The following KCNMA1 variants were observed in gnomAD, a reference collection of about 807,000 sequenced individuals.
KCNMA1 encodes the protein Calcium-activated potassium channel subunit alpha-1.
KCNMA1 carries 29 observed loss-of-function variants against 140.0 expected under a neutral mutation model. The observed-to-expected ratio is 0.21, with a 90% CI of 0.15 to 0.28. The LOEUF is 0.28. KCNMA1 is among the 10% of genes least tolerant of loss of function. The pLI is 1.00. For synonymous variants in KCNMA1, 612 were observed against 611.9 expected (o/e 1.00, Z 0.00); for missense variants, 880 against 1,602.2 (o/e 0.55, Z 7.70).
chr10:77,456,746 T>A (rs1377709131), intron 1 of KCNMA1, among the ~76,000 whole-genome samples: 1 of 152,172 alleles, frequency 6.6e-6, no homozygotes, highest in Non-Finnish European at 1.5e-5. Context: ...GAAGCAGGTC[T>A]GTGTGCTTGA....
chr10:77,446,010 G>A (rs2154516104), intron 1 of KCNMA1, among the ~76,000 whole-genome samples: 1 of 152,258 alleles, frequency 6.6e-6, no homozygotes, highest in East Asian at 1.9e-4. Context: ...CAGGGTGAGT[G>A]GGAAAGCTTA....
At chr10:77,323,696 A>G (rs1174212488) in intron 2 of KCNMA1, among the ~76,000 whole-genome samples, 2 of 152,234 alleles carry the variant, frequency 1.3e-5, no homozygotes, top group Admixed American at 6.5e-5. Context: ...TACATTGTAT[A>G]TGAGATGTAT....
At chr10:77,397,393 G>T (rs1000240564) in intron 2 of KCNMA1, among the ~76,000 whole-genome samples, 2 of 152,030 alleles carry the variant, frequency 1.3e-5, no homozygotes, top group African/African-American at 4.8e-5. Context: ...CATATTTTGG[G>T]GGATGCATGT....
chr10:77,399,079 T>C (rs1157142371), intron 2 of KCNMA1, among the ~76,000 whole-genome samples: 1 of 152,132 alleles, frequency 6.6e-6, no homozygotes, highest in African/African-American at 2.4e-5. Context: ...CTCTGTATTT[T>C]CCATAAGCCA....
chr10:77,337,594 T>C (rs2089573499), intron 2 of KCNMA1, among the ~76,000 whole-genome samples: 1 of 152,198 alleles, frequency 6.6e-6, no homozygotes, highest in African/African-American at 2.4e-5. Context: ...CACTCCAGCC[T>C]GGGTGACAGA....
intron 1 of KCNMA1, among the ~76,000 whole-genome samples, chr10:77,448,916 G>A (rs574244063): frequency 5.3e-5 from 8 of 151,886 alleles, no homozygotes; most frequent in Non-Finnish European, 5.9e-5. Flanking sequence ...GTGAAACCCC[G>A]TCTCTACTAA....
chr10:77,610,645 TTG>T (rs1218878389), intron 1 of KCNMA1, among the ~76,000 whole-genome samples: 1 of 152,214 alleles, frequency 6.6e-6, no homozygotes. Context: ...AGGCCACATA[TTG>T]TGTGATTCCA....
intron 2 of KCNMA1, among the ~76,000 whole-genome samples, chr10:77,357,867 A>G (rs1226344828): frequency 6.6e-6 from 1 of 152,192 alleles, no homozygotes; most frequent in Admixed American, 6.5e-5. Context: ...CCACCTAGGA[A>G]TTCAAATGTC....
chr10:76,967,855 C>T (rs748050839), intron 20 of KCNMA1, among the ~76,000 whole-genome samples: 2 of 152,174 alleles, frequency 1.3e-5, no homozygotes, highest in Non-Finnish European at 2.9e-5. Flanking sequence ...ATGAAACAGA[C>T]AGCTCCAGCC....
At chr10:77,583,602 A>T (rs537155806) in intron 1 of KCNMA1, among the ~76,000 whole-genome samples, 2 of 152,250 alleles carry the variant, frequency 1.3e-5, no homozygotes, top group East Asian at 1.9e-4. Context: ...AGGGAAACTG[A>T]CTCTTCCTCC....
Position 77,312,580 on chromosome 10 carries a change from C to T in KCNMA1, c.541-61324G>A, listed in dbSNP as rs766596188. Among the ~76,000 whole-genome samples the T allele has an allele frequency of 1.2e-4, 19 of 152,144 alleles. 2 individuals are homozygous for T. Among genetic ancestry groups the T allele is most frequent in the Non-Finnish European group, 1.2e-4 (8 of 68,036 alleles). On this transcript the variant is annotated intron_variant, in intron 2 of 27. Transcript: ENST00000286628. ...GACGGAGATTGTAGTGAGCTGAAAT[C>T]GTGACACTGCACTCCAGTTTGGGCA...
intron 19 of KCNMA1, among the ~76,000 whole-genome samples, chr10:76,975,967 C>T (rs1337513671): frequency 6.6e-6 from 1 of 152,060 alleles, no homozygotes; most frequent in African/African-American, 2.4e-5. Flanking sequence ...GCAACCCCAA[C>T]GATCATAATA....
At chr10:76,965,611 G>A (rs1054869739) in intron 20 of KCNMA1, among the ~76,000 whole-genome samples, 1 of 152,134 alleles carries the variant, frequency 6.6e-6, no homozygotes, top group African/African-American at 2.4e-5. Flanking sequence ...CCACTCCAAA[G>A]ACCCCTGGCT....
chr10:77,324,969 C>CTGTGTGTG (rs1210515124), intron 2 of KCNMA1, among the ~76,000 whole-genome samples: 14 of 95,146 alleles, frequency 1.5e-4, no homozygotes, highest in African/African-American at 6.3e-4. Flanking sequence ...CTCTCTCTCT[C>CTGTGTGTG]TCTGTGTGTG....
At chr10:77,375,595 A>G (rs2095043745) in intron 2 of KCNMA1, among the ~76,000 whole-genome samples, 1 of 152,292 alleles carries the variant, frequency 6.6e-6, no homozygotes, top group South Asian at 2.1e-4. Flanking sequence ...AGCCTTTCCA[A>G]CTTGATCTGC....
intron 6 of KCNMA1, among the ~76,000 whole-genome samples, chr10:77,120,043 A>G (rs1411256609): frequency 6.6e-6 from 1 of 152,202 alleles, no homozygotes; most frequent in Non-Finnish European, 1.5e-5. Context: ...CTAATCCTCA[A>G]AACTACAGAT....
chr10:76,884,764 G>A, downstream of KCNMA1: 1 of 545,726 alleles, frequency 1.8e-6, no homozygotes. Flanking sequence ...AAGGAAGGAA[G>A]AGAAGAAGGA....
At chr10:77,188,008 A>T (rs1207132380) in intron 3 of KCNMA1, among the ~76,000 whole-genome samples, 2 of 152,178 alleles carry the variant, frequency 1.3e-5, no homozygotes, top group Non-Finnish European at 2.9e-5. Context: ...ATCAACCAGG[A>T]TTTATTTTCC....
intron 18 of KCNMA1, among the ~76,000 whole-genome samples, chr10:77,004,834 T>C (rs573597977): frequency 6.6e-6 from 1 of 152,192 alleles, no homozygotes; most frequent in Non-Finnish European, 1.5e-5. Context: ...TCTCAGTGAC[T>C]GTTTCCTTTT....
Sources: gnomAD v4.1 joint callset for allele counts (sites outside exome capture counted in the v4.1 genomes callset) on GRCh38, gnomAD v4.1.1 for gene constraint, MANE v1.5 for transcripts, NCBI Gene and HGNC (gene_info 2026-07-23, HGNC 2026-07-21) for gene names.